ABLIM3: variants seen among roughly 807,000 people sequenced by gnomAD.
ABLIM3 encodes the protein actin binding LIM protein family member 3.
Under a neutral mutation model 109.5 loss-of-function variants are expected in ABLIM3, and 61 were observed. The observed-to-expected ratio is 0.56, with a 90% CI of 0.45 to 0.69. ABLIM3 has a LOEUF of 0.69. ABLIM3 is among the 30% of genes least tolerant of loss of function. The pLI is 0.00. For missense variants in ABLIM3, 796 were observed against 889.5 expected, an observed-to-expected ratio of 0.89 and a Z score of 1.34; for synonymous variants, 300 against 324.8, an observed-to-expected ratio of 0.92 and a Z score of 0.82.
chr5:149,230,325 G>A (rs1477060681), intron 8 of ABLIM3, among the ~76,000 whole-genome samples: 1 of 152,210 alleles, frequency 6.6e-6, no homozygotes, highest in African/African-American at 2.4e-5. Flanking sequence ...CCTTAAGGCT[G>A]TATGTGTGGA....
At chr5:149,204,923 G>A (rs13155097) in intron 5 of ABLIM3, among the ~76,000 whole-genome samples, 4 of 151,966 alleles carry the variant, frequency 2.6e-5, no homozygotes, top group Admixed American at 1.3e-4. Flanking sequence ...ACTGAAAGTC[G>A]AAGAGATAGG....
chr5:149,246,504 G>A lies in ABLIM3; in HGVS notation c.1509G>A (p.Ser503=), dbSNP rs61999264. Residue 503 remains serine, a synonymous_variant, in exon 17 of 24, where the codon TCG becomes TCA. Coordinates refer to ENST00000309868, the MANE Select transcript of ABLIM3 (RefSeq NM_014945.5). ...CAGTGCCCCGAGCCAGAAGGTTCTC[G>A]TCTGGAGGAGAGGAGGATGATTTTG... The part of the protein sequence containing the change: ...SPKVPRARRF[S]SGGEEDDFDR... The A allele has an allele frequency of 0.017, 27,109 of 1,613,996 alleles. 290 individuals are homozygous for A. The highest frequency in any genetic ancestry group is 0.02 in the Non-Finnish European group (23,072 of 1,179,962).
intron 2 of ABLIM3, among the ~76,000 whole-genome samples, chr5:149,175,219 G>A (rs747973557): frequency 8.5e-5 from 13 of 152,108 alleles, no homozygotes; most frequent in South Asian, 4.1e-4. Flanking sequence ...AAGTGTAGCC[G>A]GATGGTATTT....
chr5:149,192,107 AG>A (rs1757532702), intron 3 of ABLIM3, among the ~76,000 whole-genome samples: 1 of 152,234 alleles, frequency 6.6e-6, no homozygotes, highest in African/African-American at 2.4e-5. Context: ...CTCTAAGATC[AG>A]GAACAAGATA....
chr5:149,159,299 A>C (rs1201322601), intron 2 of ABLIM3, among the ~76,000 whole-genome samples: 1 of 152,218 alleles, frequency 6.6e-6, no homozygotes, highest in Non-Finnish European at 1.5e-5. Flanking sequence ...GTATGATTCC[A>C]TTTATATGGA....
Position 149,208,976 on chromosome 5 carries a change from C to G in ABLIM3, c.576-1750C>G, listed in dbSNP as rs148723863. Among the ~76,000 whole-genome samples the G allele has an allele frequency of 2.0e-3, 298 of 152,264 alleles. 2 individuals are homozygous for G. Among genetic ancestry groups the G allele is most frequent in the African/African-American group, 6.9e-3 (287 of 41,554 alleles). ...GCAGAATGGCCAGCCTGGGCAAGGC[C>G]AGGGCAGTAGGGGAGTGTTGGACAT... On this transcript the variant is annotated intron_variant, in intron 6 of 23. Transcript: ENST00000309868.
intron 12 of ABLIM3, 42 bp from the exon 13 acceptor site, chr5:149,239,717 C>A: frequency 6.5e-7 from 1 of 1,540,768 alleles, no homozygotes. Context: ...CACAGGCCCA[C>A]TTAACAGCCA....
chr5:149,254,000 G>A, intron 23 of ABLIM3, among the ~76,000 whole-genome samples: 1 of 152,214 alleles, frequency 6.6e-6, no homozygotes, highest in East Asian at 1.9e-4. Context: ...CAGCAGGCAA[G>A]AGAGCTTGTA....
intron 2 of ABLIM3, among the ~76,000 whole-genome samples, chr5:149,173,301 C>T (rs911572400): frequency 3.3e-5 from 5 of 152,120 alleles, no homozygotes; most frequent in African/African-American, 1.2e-4. Context: ...ACTTTGGACA[C>T]AAAAAGGGGC....
chr5:149,168,447 C>T (rs145282390), intron 2 of ABLIM3, among the ~76,000 whole-genome samples: 27 of 152,292 alleles, frequency 1.8e-4, no homozygotes, highest in Non-Finnish European at 2.4e-4. Flanking sequence ...GAAGACACGA[C>T]GGAGTGAGGA....
chr5:149,249,955 C>A (rs1490389613), intron 19 of ABLIM3, 111 bp downstream of exon 19: 1 of 1,295,220 alleles, frequency 7.7e-7, no homozygotes, highest in Non-Finnish European at 1.1e-6. Context: ...TGTCCCAGCC[C>A]ACTCCTGATC....
chr5:149,239,521 C>T (rs1258347803), intron 12 of ABLIM3, among the ~76,000 whole-genome samples: 2 of 152,292 alleles, frequency 1.3e-5, no homozygotes, highest in African/African-American at 4.8e-5. Context: ...GTCAGGATTC[C>T]AGGGATTGAC....
intron 2 of ABLIM3, among the ~76,000 whole-genome samples, chr5:149,161,659 G>T (rs531662736): frequency 6.6e-6 from 1 of 152,150 alleles, no homozygotes; most frequent in Non-Finnish European, 1.5e-5. Flanking sequence ...GCTTAGAGAG[G>T]CTGAGCAAGT....
intron 2 of ABLIM3, among the ~76,000 whole-genome samples, chr5:149,178,528 A>G (rs779548700): frequency 2.0e-5 from 3 of 152,330 alleles, no homozygotes; most frequent in Non-Finnish European, 2.9e-5. Flanking sequence ...CCAGCATAGC[A>G]TAGGTGCTCC....
At chr5:149,200,726 T>A in intron 5 of ABLIM3, 1 of 379,064 alleles carries the variant, frequency 2.6e-6, no homozygotes, top group South Asian at 4.4e-5. Context: ...CATGGACGCC[T>A]CAATAGGGCT....
At chr5:149,255,426 A>G (rs1184794405) in intron 23 of ABLIM3, among the ~76,000 whole-genome samples, 1 of 152,244 alleles carries the variant, frequency 6.6e-6, no homozygotes, top group East Asian at 1.9e-4. Context: ...ATTTGTGTCA[A>G]TATTGTTGAC....
chr5:149,157,934 C>T (rs964120310), intron 2 of ABLIM3, among the ~76,000 whole-genome samples: 9 of 152,146 alleles, frequency 5.9e-5, no homozygotes, highest in African/African-American at 2.2e-4. Context: ...AGGGTACCAA[C>T]AAAGGCACTT....
In ABLIM3 at chr5:149,162,102, G is replaced by A. The variant is rs116454439; in HGVS notation, c.13+19994G>A. Among the ~76,000 whole-genome samples the A allele has an allele frequency of 6.7e-3, 1,024 of 152,340 alleles. 16 individuals carry two copies. The highest frequency in any genetic ancestry group is 0.023 in the African/African-American group (970 of 41,574). On this transcript the variant is annotated intron_variant, in intron 2 of 23. Coordinates refer to ENST00000309868, the MANE Select transcript of ABLIM3 (RefSeq NM_014945.5). ...ATCAAATGAGGCAATGAATGAGAAA[G>A]CCTTTGCGTTAGCCTCTGTTTTGCT...
At chr5:149,225,202 T>C (rs1039674713) in intron 8 of ABLIM3, among the ~76,000 whole-genome samples, 3 of 152,224 alleles carry the variant, frequency 2.0e-5, no homozygotes, top group African/African-American at 7.2e-5. Context: ...CACAATTCGG[T>C]AGCTTTTAGT....
Sources: allele counts gnomAD v4.1 joint callset (sites outside exome capture counted in the v4.1 genomes callset), GRCh38; gene constraint gnomAD v4.1.1; transcripts MANE v1.5; gene names NCBI Gene and HGNC (gene_info 2026-07-23, HGNC 2026-07-21).